The following ZNF302 variants were observed in gnomAD, a reference collection of about 807,000 sequenced individuals.
ZNF302 encodes zinc finger protein 327.
Under a neutral mutation model 10.8 loss-of-function variants are expected in ZNF302, and 12 were observed. The ratio of observed to expected loss-of-function variants is 1.11; its 90% CI spans 0.71 to 1.79. ZNF302 has a LOEUF of 1.79. Ranked by LOEUF, ZNF302 falls within the 40% of genes most tolerant of loss-of-function variation. The pLI is 0.00. For synonymous variants in ZNF302, 178 were observed against 157.5 expected, an observed-to-expected ratio of 1.13 and a Z score of -0.98; for missense variants, 461 against 471.1, an observed-to-expected ratio of 0.98 and a Z score of 0.20.
chr19:34,677,977 A>T lies in ZNF302; in HGVS notation c.-195A>T, dbSNP rs2068060432. On this transcript the variant is annotated 5_prime_UTR_variant, in exon 1 of 5. Coordinates refer to ENST00000505242, the MANE Select transcript of ZNF302 (RefSeq NM_001289187.2). ...TGAGCCGTGTAAACGCGGGGTGATG[A>T]CGGCGCCGACCTCTTGGCACTGTTG... 1 of 152,174 alleles carries T rather than the reference A, an allele frequency of 6.6e-6. No individual in the cohort carries two copies. The highest frequency in any genetic ancestry group is 6.5e-5 in the Admixed American group (1 of 15,286). The allele number at this position is 152,174 out of a possible 1,614,324, so 9.4% of individuals were successfully genotyped here.
At chr19:34,679,738 A>G (rs1314543858) in intron 2 of ZNF302, 3 of 606,868 alleles carry the variant, frequency 4.9e-6, no homozygotes, top group East Asian at 2.8e-5. Context: ...GTCACTCACT[A>G]GCTGATGTAC....
chr19:34,684,386 G>T lies in ZNF302; in HGVS notation c.349G>T (p.Glu117Ter). 6.2e-7 allele frequency: 1 copy of T among 1,605,932 alleles called. No homozygotes were observed. Among genetic ancestry groups the T allele is most frequent in the South Asian group, 1.1e-5 (1 of 88,622 alleles). ...ATTTTCAAATTCTAATAAGAATTTG[G>T]AATATACAGAATGCGACACATTTAG... ...YEFSNSNKNL[E>*]YTECDTFRST... The change falls in exon 5 of 5, where the codon GAA (glutamate) becomes TAA (stop). Residue 117 changes from glutamate to a stop codon, truncating the protein, a stop_gained. Transcript: ENST00000505242. LOFTEE classifies it low-confidence loss of function (END_TRUNC).
chr19:34,685,559 C>G lies in ZNF302; in HGVS notation c.*322C>G. 6.6e-7 allele frequency: 1 copy of G among 1,523,056 alleles called. No homozygotes were observed. The highest frequency in any genetic ancestry group is 9.1e-7 in the Non-Finnish European group (1 of 1,098,690). 94.3% of individuals were successfully genotyped at this position (1,523,056 alleles called of 1,614,324 possible). ...TCAAAGAGTACATAATGGAGAGAAA[C>G]CCAATAGTGTGGTAAGTGTGGAAAA... On this transcript the variant is annotated 3_prime_UTR_variant, in exon 5 of 5. Coordinates refer to ENST00000505242, the MANE Select transcript of ZNF302 (RefSeq NM_001289187.2).
rs1354685563 is a variant in ZNF302, at chr19:34,677,770, C to G, written c.-402C>G. The G allele has an allele frequency of 2.0e-5, 3 of 152,242 alleles. No individual in the cohort carries two copies. The highest frequency in any genetic ancestry group is 4.4e-5 in the Non-Finnish European group (3 of 68,104). The allele number at this position is 152,242 out of a possible 1,614,324, so 9.4% of individuals were successfully genotyped here. On this transcript the variant is annotated 5_prime_UTR_variant, in exon 1 of 5. Coordinates refer to ENST00000505242, the MANE Select transcript of ZNF302 (RefSeq NM_001289187.2). ...GTTCCCGGAGGTCGGCCGCCGTTAC[C>G]CGCTCACCAGCTACGCGGCGCGTCA...
rs755384872 is a variant in ZNF302 at position 34,684,734 on chromosome 19, G to A, written c.697G>A (p.Glu233Lys). 6.2e-7 allele frequency: 1 copy of A among 1,614,046 alleles called. No homozygotes were observed. Among genetic ancestry groups the A allele is most frequent in the South Asian group, 1.1e-5 (1 of 91,076 alleles). ...AGGAGAGAAGCCCTATGAATGTCGT[G>A]AATGTGGGAAGACTTTTAGCCATGG... ...HTGEKPYECR[E>K]CGKTFSHGSS... The change falls in exon 5 of 5, where the codon GAA becomes AAA. Residue 233 changes from glutamate to lysine, a missense_variant. Physicochemically the swap from Glu to Lys is moderately conservative, Grantham distance 56. Coordinates refer to ENST00000505242, the MANE Select transcript of ZNF302 (RefSeq NM_001289187.2).
rs755007939 is a variant in ZNF302, at chr19:34,684,011, A to G, written c.215-241A>G. On this transcript the variant is annotated intron_variant, in intron 4 of 4. Coordinates refer to ENST00000505242, the MANE Select transcript of ZNF302 (RefSeq NM_001289187.2). ...GTACAGCTTACCCATTTCCTTTATC[A>G]CACTCTGTTCCTGCTTCTGTGAACT... The G allele has an allele frequency of 2.7e-6, 4 of 1,484,782 alleles. No individual in the cohort carries two copies. In the South Asian group the frequency reaches 5.5e-5, roughly 20 times the overall value. The allele number at this position is 1,484,782 out of a possible 1,614,324, so 92.0% of individuals were successfully genotyped here.
chr19:34,684,429 A>C lies in ZNF302; in HGVS notation c.392A>C (p.Lys131Thr). ...CDTFRSTFHS[K>T]STLSEPQNNS... ...ACATTTAGAAGCACCTTTCATTCAA[A>C]GTCTACTCTTTCTGAACCACAAAAC... The change falls in exon 5 of 5, where the codon AAG becomes ACG. Residue 131 changes from lysine (K) to threonine (T), a missense_variant. Physicochemically the swap from Lys to Thr is moderately conservative, Grantham distance 78 (BLOSUM62 -1). Coordinates refer to ENST00000505242, the MANE Select transcript of ZNF302 (RefSeq NM_001289187.2). 6.2e-7 allele frequency: 1 copy of C among 1,613,136 alleles called. No homozygotes were observed. The highest frequency in any genetic ancestry group is 8.5e-7 in the Non-Finnish European group (1 of 1,179,388).
intron 1 of ZNF302, 30 bp from the exon 2 acceptor site, chr19:34,678,707 C>T (rs2068150709): frequency 1.4e-6 from 2 of 1,450,126 alleles, no homozygotes; most frequent in Non-Finnish European, 1.9e-6. Context: ...TTTTTCATGA[C>T]TGCTTTTTCC....
intron 2 of ZNF302, chr19:34,679,785 C>G: frequency 1.4e-6 from 1 of 692,054 alleles, no homozygotes; most frequent in Non-Finnish European, 2.6e-6. Flanking sequence ...ATTGTCTGTT[C>G]CTGGTGGGAG....
chr19:34,680,930 T>C (rs1210876569), intron 2 of ZNF302, among the ~76,000 whole-genome samples: 1 of 152,226 alleles, frequency 6.6e-6, no homozygotes. Flanking sequence ...ATCTCAATAG[T>C]GGATCGCTTG....
At chr19:34,680,179 G>T (rs1416598321) in intron 2 of ZNF302, among the ~76,000 whole-genome samples, 3 of 152,092 alleles carry the variant, frequency 2.0e-5, no homozygotes, top group Admixed American at 2.0e-4. Context: ...CCTGCCTCTT[G>T]AAAGAAAAAA....
At chr19:34,677,271 C>T (rs973296095), upstream of ZNF302, 3 of 151,924 alleles carry the variant, frequency 2.0e-5, no homozygotes, top group African/African-American at 7.2e-5. Context: ...CCAGCAAGGG[C>T]TGCCCATGTC....
rs371236463 is a variant in ZNF302, at chr19:34,684,284, T to C, written c.247T>C (p.Ser83Pro). 2 of 1,557,210 alleles carry C rather than the reference T, an allele frequency of 1.3e-6. No homozygotes were observed. Among genetic ancestry groups the C allele is most frequent in the Non-Finnish European group, 1.7e-6 (2 of 1,160,344 alleles). Reference protein sequence around the residue: ...WESRWENKELSTKKDIYDEDS... With the variant: ...WESRWENKELPTKKDIYDEDS... ...ATCAAGATGGGAAAACAAGGAATTA[T>C]CAACAAAGAAGGATATTTATGATGA... The change falls in exon 5 of 5, where the codon TCA becomes CCA. Residue 83 changes from serine (S) to proline (P), a missense_variant. Ser to Pro is a moderately conservative substitution (Grantham distance 74, BLOSUM62 -1). Coordinates refer to ENST00000505242, the MANE Select transcript of ZNF302 (RefSeq NM_001289187.2).
In ZNF302 at chr19:34,685,518, C is replaced by T. The variant is rs1003054717; in HGVS notation, c.*281C>T. The T allele has an allele frequency of 7.7e-6, 12 of 1,563,464 alleles. No homozygotes were observed. The highest frequency in any genetic ancestry group is 1.4e-5 in the African/African-American group (1 of 73,806). On this transcript the variant is annotated 3_prime_UTR_variant, in exon 5 of 5. Transcript: ENST00000505242. ...TGTGGGAAAGCTTTTAGCAAAGGCT[C>T]GAATCTTACTGCCCATCAAAGAGTA...
At chr19:34,684,203 A>ATGG in intron 4 of ZNF302, 49 bp from the exon 5 acceptor site, 3 of 918,428 alleles carry the variant, frequency 3.3e-6, no homozygotes, top group Non-Finnish European at 4.3e-6. Flanking sequence ...AAAAAAAAAA[A>ATGG]AAAAAAAAAA....
chr19:34,682,609 C>A, intron 2 of ZNF302, 168 bp from the exon 3 acceptor site: 1 of 927,642 alleles, frequency 1.1e-6, no homozygotes, highest in Non-Finnish European at 1.5e-6. Flanking sequence ...TGTATAATTC[C>A]AACTACATAA....
rs761667917 is a variant in ZNF302, at chr19:34,684,372, C to G, written c.335C>G (p.Ser112Cys). The change falls in exon 5 of 5, where the codon TCT becomes TGT. Residue 112 changes from serine to cysteine, a missense_variant. By Grantham distance (112) the Ser-to-Cys change is moderately radical (BLOSUM62 -1). Coordinates refer to ENST00000505242, the MANE Select transcript of ZNF302 (RefSeq NM_001289187.2). ...AAACAAAGTTATGAATTTTCAAATTCTAATAAGAATTTGGAATATACAGAA... is the reference window on the plus strand; with the variant it reads ...AAACAAAGTTATGAATTTTCAAATTGTAATAAGAATTTGGAATATACAGAA... ...VVKQSYEFSNSNKNLEYTECD... is the reference protein window; with the variant it reads ...VVKQSYEFSNCNKNLEYTECD... 1 of 1,602,688 alleles carries G rather than the reference C, an allele frequency of 6.2e-7. No homozygotes were observed. The highest frequency in any genetic ancestry group is 8.5e-7 in the Non-Finnish European group (1 of 1,176,590).
intron 4 of ZNF302, chr19:34,683,886 C>T: frequency 3.1e-6 from 3 of 982,390 alleles, no homozygotes; most frequent in Non-Finnish European, 2.7e-6. Flanking sequence ...GCAACCTTTC[C>T]CACATGAATA....
chr19:34,678,588 T>G lies in ZNF302; in HGVS notation c.-68-149T>G, dbSNP rs556122445. ...CAGGTGGCACCTGGTAAATAGCCCTTGCGGAGAAACACCCTGTTCCTTCCC... is the reference window on the plus strand; with the variant it reads ...CAGGTGGCACCTGGTAAATAGCCCTGGCGGAGAAACACCCTGTTCCTTCCC... On this transcript the variant is annotated intron_variant, in intron 1 of 4. Coordinates refer to ENST00000505242, the MANE Select transcript of ZNF302 (RefSeq NM_001289187.2). The G allele has an allele frequency of 1.6e-3, 865 of 556,492 alleles. 10 individuals carry two copies. Among genetic ancestry groups the G allele is most frequent in the Admixed American group, 1.1e-3 (36 of 31,776 alleles). 34.5% of individuals were successfully genotyped at this position (556,492 alleles called of 1,614,324 possible). A position where few individuals can be genotyped will look rare whatever the true frequency, so the allele number is the denominator to read the frequency against.
Sources: gnomAD v4.1 joint callset for allele counts (sites outside exome capture counted in the v4.1 genomes callset) on GRCh38, gnomAD v4.1.1 for gene constraint, MANE v1.5 for transcripts, NCBI Gene and HGNC (gene_info 2026-07-23, HGNC 2026-07-21) for gene names.